NIPBL: variants seen among roughly 807,000 people sequenced by gnomAD.
NIPBL encodes the protein nipped-B-like protein.
NIPBL carries 19 observed loss-of-function variants against 321.8 expected under a neutral mutation model. The ratio of observed to expected loss-of-function variants is 0.06; its 90% CI spans 0.04 to 0.09. NIPBL has a LOEUF of 0.09. NIPBL is among the 10% of genes least tolerant of loss of function. The probability of loss-of-function intolerance (pLI) is 1.00; values close to 1 mark genes in which losing one functional copy is unlikely to be tolerated. For synonymous variants in NIPBL, 1,106 were observed against 1,114.1 expected, an observed-to-expected ratio of 0.99 and a Z score of 0.14; for missense variants, 2,210 against 3,327.0, an observed-to-expected ratio of 0.66 and a Z score of 8.26.
chr5:37,022,229 T>G lies in NIPBL; in HGVS notation c.5428-15T>G. The G allele has an allele frequency of 6.2e-7, 1 of 1,613,942 alleles. No individual in the cohort carries two copies. Among genetic ancestry groups the G allele is most frequent in the Non-Finnish European group, 8.5e-7 (1 of 1,179,882 alleles). On this transcript the variant is annotated splice_polypyrimidine_tract_variant and intron_variant, in intron 28 of 46. Transcript: ENST00000282516. ...TTTAGGTATAAATTGTTTTTTTCTC[T>G]TCATTTTTCTTTAGCTTGATATGCA...
At chr5:37,059,254 C>A in intron 44 of NIPBL, 89 bp downstream of exon 44, 1 of 1,441,482 alleles carries the variant, frequency 6.9e-7, no homozygotes, top group Non-Finnish European at 9.6e-7. Flanking sequence ...TGCCTGTAAT[C>A]CCAACATTTT....
rs1258352930 is a variant in NIPBL, at chr5:36,962,194, C to T, written c.530C>T (p.Pro177Leu). ...CAGCAAAATAGCCCAGTGCCTAGTC[C>T]ATACGCCCCACAAAGCCCTGCAGGA... is the stretch of plus-strand genomic sequence containing the variant. ...MPQQNSPVPS[P>L]YAPQSPAGYM... The change falls in exon 6 of 47, where the codon CCA (proline) becomes CTA (leucine). Residue 177 changes from proline (P) to leucine (L), a missense_variant. By Grantham distance (98) the Pro-to-Leu change is moderately conservative (BLOSUM62 -3). Around this residue, in one of 14 missense-constraint regions of NIPBL, gnomAD observed 464 missense variants for 529.5 expected, o/e 0.88. Transcript: ENST00000282516. The T allele has an allele frequency of 6.2e-7, 1 of 1,614,096 alleles. No individual in the cohort carries two copies. The highest frequency in any genetic ancestry group is 1.7e-5 in the Admixed American group (1 of 60,012).
At chr5:37,036,343 ATATG>A in intron 32 of NIPBL, 32 bp from the exon 33 acceptor site, 7 of 457,434 alleles carry the variant, frequency 1.5e-5, no homozygotes, top group Non-Finnish European at 1.5e-5. Context: ...TTGTATATAT[ATATG>A]TATATATATA....
At chr5:36,950,537 A>G (rs1271490457) in intron 1 of NIPBL, among the ~76,000 whole-genome samples, 1 of 152,120 alleles carries the variant, frequency 6.6e-6, no homozygotes, top group Non-Finnish European at 1.5e-5. Context: ...ACTGTGCAGT[A>G]TACTCTTATA....
intron 1 of NIPBL, among the ~76,000 whole-genome samples, chr5:36,910,509 C>G (rs930683927): frequency 3.3e-5 from 5 of 152,130 alleles, no homozygotes; most frequent in African/African-American, 1.2e-4. Flanking sequence ...TTTCCATATA[C>G]CTTTATTGTT....
intron 1 of NIPBL, among the ~76,000 whole-genome samples, chr5:36,889,471 C>A (rs535210520): frequency 5.4e-4 from 82 of 152,168 alleles, no homozygotes; most frequent in Middle Eastern, 3.4e-3. Flanking sequence ...GTTCTTCAAT[C>A]TTTCCAATTA....
intron 29 of NIPBL, among the ~76,000 whole-genome samples, chr5:37,023,527 G>A (rs1012260782): frequency 2.0e-5 from 3 of 151,810 alleles, no homozygotes; most frequent in Non-Finnish European, 4.4e-5. Flanking sequence ...CTTTTCTTGT[G>A]AACACTTCAG....
rs184387511 is a variant in NIPBL, at chr5:36,907,128, C to T, written c.-80+29950C>T. ...TCTTACTCCACATCTTGTTAAATGG[C>T]GATTGTGAACCAGTAGATCTGGAGT... On this transcript the variant is annotated intron_variant, in intron 1 of 46. Transcript: ENST00000282516. 3.0e-4 allele frequency among the ~76,000 whole-genome samples: 46 copies of T among 152,230 alleles called. No individual in the cohort carries two copies. The Middle Eastern group carries it at 0.01, about 34-fold the overall frequency.
At chr5:36,989,769 G>C (rs1308399377) in intron 10 of NIPBL, among the ~76,000 whole-genome samples, 1 of 149,200 alleles carries the variant, frequency 6.7e-6, no homozygotes, top group Non-Finnish European at 1.5e-5. Flanking sequence ...AACCCAGGAG[G>C]AGGAGATTAC....
At chr5:36,966,402 C>G (rs1157703043) in intron 6 of NIPBL, among the ~76,000 whole-genome samples, 2 of 152,038 alleles carry the variant, frequency 1.3e-5, no homozygotes, top group African/African-American at 4.8e-5. Context: ...TTACTAGTTT[C>G]CAGTTACACA....
intron 10 of NIPBL, among the ~76,000 whole-genome samples, chr5:36,988,774 G>T (rs1234922199): frequency 6.6e-6 from 1 of 151,988 alleles, no homozygotes; most frequent in East Asian, 1.9e-4. Context: ...AAATTGAAGA[G>T]CCATAAATTT....
chr5:36,970,555 AAAGGTATAAAG>A (rs1391797467), intron 6 of NIPBL, among the ~76,000 whole-genome samples: 1 of 151,886 alleles, frequency 6.6e-6, no homozygotes, highest in Non-Finnish European at 1.5e-5. Flanking sequence ...CATGCATAGC[AAAGGTATAAAG>A]ATAACACATA....
chr5:37,019,449 T>A, intron 25 of NIPBL, 49 bp downstream of exon 25: 3 of 1,404,574 alleles, frequency 2.1e-6, no homozygotes, highest in Non-Finnish European at 3.0e-6. Flanking sequence ...TTATTTAAAT[T>A]GGGTTTAAGA....
chr5:37,009,548 A>G (rs966148332), intron 20 of NIPBL, among the ~76,000 whole-genome samples: 5 of 152,346 alleles, frequency 3.3e-5, no homozygotes, highest in Admixed American at 3.3e-4. Context: ...TGTCTGTTAA[A>G]CCTGAAGAAA....
rs767096793 is a variant in NIPBL at position 37,063,779 on chromosome 5, GT to G, written c.7861-5del. 2.5e-6 allele frequency: 4 copies of G among 1,608,328 alleles called. No individual in the cohort carries two copies. In the Admixed American group the frequency reaches 5.1e-5, roughly 20 times the overall value. ...TACTTAAAATTCTGAAATAATATCT[GT>G]TTTTTGTAGTTCAAACTTCTCATGG... On this transcript the variant is annotated splice_polypyrimidine_tract_variant and intron_variant, in intron 45 of 46. Coordinates refer to ENST00000282516, the MANE Select transcript of NIPBL (RefSeq NM_133433.4).
At chr5:37,062,088 G>A (rs903276357) in intron 45 of NIPBL, among the ~76,000 whole-genome samples, 3 of 152,016 alleles carry the variant, frequency 2.0e-5, no homozygotes, top group African/African-American at 7.2e-5. Flanking sequence ...GTGATCCGCC[G>A]GCCTCCCAAA....
At chr5:37,025,159 A>G (rs1423131797) in intron 30 of NIPBL, among the ~76,000 whole-genome samples, 1 of 152,218 alleles carries the variant, frequency 6.6e-6, no homozygotes, top group Non-Finnish European at 1.5e-5. Context: ...AGATTGACAC[A>G]GGAAGATTAC....
chr5:36,888,342 GAACTCATTTTTT>G (rs1400344560), intron 1 of NIPBL, among the ~76,000 whole-genome samples: 5 of 152,144 alleles, frequency 3.3e-5, no homozygotes, highest in African/African-American at 9.6e-5. Context: ...TGGAAGACTT[GAACTCATTTTTT>G]AACTCATTTT....
At position 37,058,942 on chromosome 5, in the gene NIPBL, A is replaced by G. The variant is rs756243240; in HGVS notation, c.7462A>G (p.Asn2488Asp). Reference protein sequence around the residue: ...KERKSSPSKENESSDSEEEVS... With the variant: ...KERKSSPSKEDESSDSEEEVS... ...GAGAAAATCATCACCTAGTAAGGAA[A>G]ATGAGTCAAGCGACAGTGAAGAAGA... is the stretch of plus-strand genomic sequence containing the variant. Residue 2488 changes from asparagine (N) to aspartate (D), a missense_variant, in exon 44 of 47, where the codon AAT becomes GAT. By Grantham distance (23) the Asn-to-Asp change is conservative (BLOSUM62 1). Transcript: ENST00000282516. 38 of 1,614,096 alleles carry G rather than the reference A, an allele frequency of 2.4e-5. No individual in the cohort carries two copies. In the Middle Eastern group the frequency reaches 6.6e-4, roughly 28 times the overall value.
Sources: allele counts gnomAD v4.1 joint callset (sites outside exome capture counted in the v4.1 genomes callset), GRCh38; gene constraint gnomAD v4.1.1; regional missense constraint gnomAD v4.1.1; transcripts MANE v1.5; gene names NCBI Gene and HGNC (gene_info 2026-07-23, HGNC 2026-07-21).